The following C3orf52 variants were observed in gnomAD, a reference collection of about 807,000 sequenced individuals.
C3orf52 encodes the protein chromosome 3 open reading frame 52, also known as TPA-induced transmembrane protein.
C3orf52 carries 22 observed loss-of-function variants against 24.8 expected under a neutral mutation model. That is an observed-to-expected ratio of 0.89 (90% CI 0.63 to 1.27). C3orf52 has a LOEUF of 1.27. C3orf52 is among the 50% of genes most tolerant of loss of function. The pLI, the probability that C3orf52 is intolerant of heterozygous loss-of-function variation, is 0.00. For missense variants in C3orf52, 265 were observed against 260.7 expected (o/e 1.02, Z -0.11); for synonymous variants, 93 against 100.2 (o/e 0.93, Z 0.43).
chr3:112,112,228 C>G (rs1435189511), intron 4 of C3orf52: 1 of 152,224 alleles, frequency 6.6e-6, no homozygotes, highest in Non-Finnish European at 1.5e-5. Context: ...TGGAGGGTAG[C>G]CCTTGATTAT....
intron 4 of C3orf52, 148 bp from the exon 5 acceptor site, chr3:112,112,816 A>G (rs1476085243): frequency 2.7e-6 from 2 of 749,892 alleles, no homozygotes; most frequent in Non-Finnish European, 4.9e-6. Context: ...CTTATAGGAC[A>G]GTATGTTCTT....
rs2073898585 is a variant in C3orf52 at position 112,093,561 on chromosome 3, T to G, written c.268+72T>G. The G allele has an allele frequency of 2.8e-6, 4 of 1,417,154 alleles. No individual in the cohort carries two copies. The African/African-American group carries it at 4.3e-5, about 15-fold the overall frequency. 87.8% of individuals were successfully genotyped at this position (1,417,154 alleles called of 1,614,324 possible). On this transcript the variant is annotated intron_variant, in intron 2 of 5. Transcript: ENST00000264848. ...TTAAGGCTTGTGACTTACACTGAAATGGAAGATGTACTCATAGCCATTTCA... is the reference window on the plus strand; with the variant it reads ...TTAAGGCTTGTGACTTACACTGAAAGGGAAGATGTACTCATAGCCATTTCA...
At chr3:112,095,120 C>A (rs1257814077) in intron 2 of C3orf52, among the ~76,000 whole-genome samples, 6 of 152,166 alleles carry the variant, frequency 3.9e-5, no homozygotes, top group Non-Finnish European at 7.3e-5. Flanking sequence ...GGCCAGGCAC[C>A]ATATCTACGT....
intron 2 of C3orf52, among the ~76,000 whole-genome samples, chr3:112,094,401 A>G (rs191773733): frequency 1.3e-5 from 2 of 152,324 alleles, no homozygotes; most frequent in East Asian, 1.9e-4. Flanking sequence ...CATCTATTCC[A>G]TATATTATTT....
At chr3:112,094,001 AT>A (rs111422326) in intron 2 of C3orf52, among the ~76,000 whole-genome samples, 10,615 of 148,182 alleles carry the variant, frequency 0.072, 499 homozygotes, top group African/African-American at 0.13. Context: ...GTATTTATTT[AT>A]TTTTTTTTTT....
intron 2 of C3orf52, among the ~76,000 whole-genome samples, chr3:112,102,570 G>A (rs1559972456): frequency 6.6e-6 from 1 of 151,996 alleles, no homozygotes; most frequent in East Asian, 1.9e-4. Flanking sequence ...ACTCCCTTGG[G>A]CCCTTTCCCC....
intron 2 of C3orf52, among the ~76,000 whole-genome samples, chr3:112,094,151 C>T (rs1046033817): frequency 1.1e-4 from 16 of 152,244 alleles, no homozygotes; most frequent in South Asian, 4.1e-4. Context: ...TGTGCCACCA[C>T]GCCCAGCTAA....
chr3:112,107,489 C>T (rs187454816), intron 3 of C3orf52, among the ~76,000 whole-genome samples: 57 of 152,294 alleles, frequency 3.7e-4, no homozygotes, highest in South Asian at 1.2e-3. Flanking sequence ...TCATTTTCTC[C>T]GAAAGTTTTT....
At chr3:112,107,846 T>C (rs935500296) in intron 3 of C3orf52, among the ~76,000 whole-genome samples, 1 of 152,230 alleles carries the variant, frequency 6.6e-6, no homozygotes, top group Non-Finnish European at 1.5e-5. Flanking sequence ...AGATATGGGT[T>C]GTACATGTTG....
rs142162274 is a variant in C3orf52 at position 112,123,605 on chromosome 3, T to C, written c.*46+4043T>C. ...GGTCTGTAGAAGGCATATGTAGAAG[T>C]GAATACTCAGTCTCAGTTCCTCCCA... On this transcript the variant is annotated intron_variant, in intron 4 of 4. Coordinates refer to the C3orf52 transcript ENST00000480282. The C allele has an allele frequency of 1.5e-3, 2,492 of 1,614,078 alleles. 4 individuals are homozygous for C. The highest frequency in any genetic ancestry group is 2.0e-3 in the Non-Finnish European group (2,340 of 1,179,982).
downstream of C3orf52, chr3:112,123,173 G>T: frequency 2.2e-6 from 1 of 460,742 alleles, no homozygotes; most frequent in Non-Finnish European, 3.9e-6. Context: ...ATAGCTTTAG[G>T]GGAATCAGGG....
At chr3:112,086,637 A>T in intron 1 of C3orf52, 92 bp downstream of exon 1, 1 of 1,457,574 alleles carries the variant, frequency 6.9e-7, no homozygotes. Context: ...GTTTCCAGTC[A>T]GGCGGGGCGT....
intron 1 of C3orf52, among the ~76,000 whole-genome samples, chr3:112,093,067 C>T (rs149958660): frequency 2.0e-5 from 3 of 152,140 alleles, no homozygotes; most frequent in South Asian, 2.1e-4. Flanking sequence ...GGTTCCATTA[C>T]GAATCCACAC....
At chr3:112,106,315 G>C (rs1287307615) in intron 3 of C3orf52, among the ~76,000 whole-genome samples, 1 of 151,776 alleles carries the variant, frequency 6.6e-6, no homozygotes, top group African/African-American at 2.4e-5. Flanking sequence ...CTGATATCAA[G>C]CTCCTGGCCT....
downstream of C3orf52, among the ~76,000 whole-genome samples, chr3:112,118,481 T>C (rs908714603): frequency 2.6e-5 from 4 of 152,238 alleles, no homozygotes; most frequent in African/African-American, 9.6e-5. Context: ...AACAGCCTGT[T>C]CATGTCTGGA....
chr3:112,113,149 A>G lies in C3orf52; in HGVS notation c.649+4A>G, dbSNP rs1164684361. The G allele has an allele frequency of 6.3e-7, 1 of 1,583,880 alleles. No homozygotes were observed. Among genetic ancestry groups the G allele is most frequent in the East Asian group, 2.3e-5 (1 of 44,402 alleles). Reference sequence around the variant, plus strand: ...CCAACATCCCTCTTGCTCTATGGTAAGTAGAGCAAGTAAAGAAGTCAGAGT... The same window carrying G: ...CCAACATCCCTCTTGCTCTATGGTAGGTAGAGCAAGTAAAGAAGTCAGAGT... On this transcript the variant is annotated splice_donor_region_variant and intron_variant, in intron 5 of 5. Coordinates refer to ENST00000264848, the MANE Select transcript of C3orf52 (RefSeq NM_024616.3).
intron 1 of C3orf52, among the ~76,000 whole-genome samples, chr3:112,089,311 A>G (rs2073856815): frequency 6.6e-6 from 1 of 152,090 alleles, no homozygotes; most frequent in Non-Finnish European, 1.5e-5. Context: ...GGATCATCTG[A>G]GGTTGGGAGT....
intron 4 of C3orf52, chr3:112,123,863 G>T: frequency 7.2e-7 from 1 of 1,389,312 alleles, no homozygotes; most frequent in Non-Finnish European, 9.7e-7. Flanking sequence ...CCTTGGTCAA[G>T]TCTGTCTTCT....
At chr3:112,123,439 T>C (rs2074237378) in intron 4 of C3orf52, 1 of 1,609,926 alleles carries the variant, frequency 6.2e-7, no homozygotes, top group African/African-American at 1.3e-5. Flanking sequence ...AAACAAATGC[T>C]AGTCCAGCCA....
Sources: gnomAD v4.1 joint callset for allele counts (sites outside exome capture counted in the v4.1 genomes callset) on GRCh38, gnomAD v4.1.1 for gene constraint, MANE v1.5 for transcripts, NCBI Gene and HGNC (gene_info 2026-07-23, HGNC 2026-07-21) for gene names.